FHIT: variants seen among roughly 807,000 people sequenced by gnomAD.
The protein encoded by FHIT is fragile histidine triad diadenosine triphosphatase, also known as bis(5'-adenosyl)-triphosphatase.
FHIT carries 19 observed loss-of-function variants against 17.9 expected under a neutral mutation model. That is an observed-to-expected ratio of 1.06 (90% CI 0.74 to 1.56). The LOEUF (loss-of-function observed/expected upper bound fraction) is 1.56. Ranked by LOEUF, FHIT falls within the 40% of genes most tolerant of loss-of-function variation. The probability of loss-of-function intolerance (pLI) is 0.00; values close to 1 mark genes in which losing one functional copy is unlikely to be tolerated. For missense variants in FHIT, 248 were observed against 189.2 expected, an observed-to-expected ratio of 1.31 and a Z score of -1.82; for synonymous variants, 81 against 69.7, an observed-to-expected ratio of 1.16 and a Z score of -0.81.
At chr3:60,474,390 G>C (rs377760584) in intron 5 of FHIT, among the ~76,000 whole-genome samples, 16 of 152,076 alleles carry the variant, frequency 1.1e-4, no homozygotes, top group Non-Finnish European at 2.1e-4. Flanking sequence ...GCCCCAAAGG[G>C]CTTCTGTCAC....
intron 3 of FHIT, among the ~76,000 whole-genome samples, chr3:60,950,919 C>CT (rs1269178176): frequency 1.3e-5 from 2 of 152,054 alleles, no homozygotes; most frequent in African/African-American, 4.8e-5. Context: ...CTAAACATAA[C>CT]GTCTGGAGGA....
intron 5 of FHIT, among the ~76,000 whole-genome samples, chr3:60,446,248 G>A (rs909740010): frequency 1.3e-5 from 2 of 152,082 alleles, no homozygotes; most frequent in Non-Finnish European, 2.9e-5. Context: ...GTTTCTCTTG[G>A]TCCTCTTTCT....
intron 5 of FHIT, among the ~76,000 whole-genome samples, chr3:60,254,042 T>C (rs1411627607): frequency 1.3e-5 from 2 of 152,090 alleles, no homozygotes; most frequent in African/African-American, 4.8e-5. Flanking sequence ...ACTGTTAAGG[T>C]TTTATCATAT....
intron 5 of FHIT, among the ~76,000 whole-genome samples, chr3:60,084,137 G>A (rs1703402885): frequency 6.6e-6 from 1 of 152,074 alleles, no homozygotes; most frequent in Non-Finnish European, 1.5e-5. Context: ...GTCTCAGAAA[G>A]GATAATACTG....
At position 59,922,698 on chromosome 3, in the gene FHIT, G is replaced by T. The variant is rs532323919; in HGVS notation, c.280-284C>A. 5.3e-5 allele frequency among the ~76,000 whole-genome samples: 8 copies of T among 152,268 alleles called. No individual in the cohort carries two copies. The East Asian group carries it at 9.7e-4, about 18-fold the overall frequency. ...TTCATGGTTGTCAGTCTTGGTTGTAGTTAGCCAGTGCTTTGAAATGACAGT... is the reference window on the plus strand; with the variant it reads ...TTCATGGTTGTCAGTCTTGGTTGTATTTAGCCAGTGCTTTGAAATGACAGT... On this transcript the variant is annotated intron_variant, in intron 7 of 9. Coordinates refer to ENST00000492590, the MANE Select transcript of FHIT (RefSeq NM_002012.4).
intron 5 of FHIT, among the ~76,000 whole-genome samples, chr3:60,421,141 G>T (rs796998532): frequency 1.2e-4 from 18 of 151,628 alleles, no homozygotes; most frequent in African/African-American, 4.4e-4. Flanking sequence ...ATATTGCTCA[G>T]TGGTTTGGGA....
At chr3:61,113,159 A>G (rs1199332845) in intron 2 of FHIT, among the ~76,000 whole-genome samples, 5 of 151,702 alleles carry the variant, frequency 3.3e-5, no homozygotes, top group African/African-American at 1.2e-4. Flanking sequence ...GTGCACCACC[A>G]AGACTGACTA....
At chr3:60,658,930 G>T (rs1320310324) in intron 4 of FHIT, among the ~76,000 whole-genome samples, 9 of 150,770 alleles carry the variant, frequency 6.0e-5, no homozygotes, top group Non-Finnish European at 1.3e-4. Context: ...ATTTCTTACA[G>T]AGCATGTGTA....
intron 4 of FHIT, among the ~76,000 whole-genome samples, chr3:60,580,016 T>C (rs1553659080): frequency 6.6e-6 from 1 of 152,096 alleles, no homozygotes; most frequent in African/African-American, 2.4e-5. Context: ...TTAAGATAAA[T>C]TTCAGAGATA....
chr3:60,595,113 G>T (rs1553665795), intron 4 of FHIT, among the ~76,000 whole-genome samples: 1 of 152,020 alleles, frequency 6.6e-6, no homozygotes, highest in Non-Finnish European at 1.5e-5. Context: ...CAACAGTCTG[G>T]CCTCACCAAG....
intron 3 of FHIT, among the ~76,000 whole-genome samples, chr3:60,955,633 T>TATATATATATATATATATATATACAC (rs1272864632): frequency 1.5e-4 from 6 of 39,524 alleles, no homozygotes; most frequent in South Asian, 8.7e-4. Context: ...TATATATATA[T>TATATATATATATATATATATATACAC]ACACACACAC....
At chr3:60,726,912 G>A (rs2041928580) in intron 4 of FHIT, among the ~76,000 whole-genome samples, 1 of 152,110 alleles carries the variant, frequency 6.6e-6, no homozygotes. Flanking sequence ...ACACATAAGG[G>A]TTAAGCATGG....
Position 61,082,119 on chromosome 3 carries a change from T to C in FHIT, c.-163-40020A>G, listed in dbSNP as rs1052830802. 1.3e-4 allele frequency among the ~76,000 whole-genome samples: 20 copies of C among 151,770 alleles called. No homozygotes were observed. In the East Asian group the frequency reaches 2.9e-3, roughly 22 times the overall value. Reference sequence around the variant, plus strand: ...AGTGCTTATTGAAATGTAACTGATATAGAGAAAAGTGCATAAATCAGAATG... The same window carrying C: ...AGTGCTTATTGAAATGTAACTGATACAGAGAAAAGTGCATAAATCAGAATG... On this transcript the variant is annotated intron_variant, in intron 2 of 9. Coordinates refer to ENST00000492590, the MANE Select transcript of FHIT (RefSeq NM_002012.4).
intron 5 of FHIT, among the ~76,000 whole-genome samples, chr3:60,168,199 G>A (rs1279399638): frequency 1.3e-5 from 2 of 152,186 alleles, no homozygotes; most frequent in Non-Finnish European, 2.9e-5. Context: ...AGAATTGCCT[G>A]TTGGATGAAT....
At chr3:60,327,326 T>C (rs1271312469) in intron 5 of FHIT, among the ~76,000 whole-genome samples, 1 of 152,130 alleles carries the variant, frequency 6.6e-6, no homozygotes, top group Non-Finnish European at 1.5e-5. Context: ...AGTCCAAGGG[T>C]CTGTCACCCT....
At chr3:61,192,188 T>A (rs1212607223) in intron 2 of FHIT, among the ~76,000 whole-genome samples, 3 of 152,220 alleles carry the variant, frequency 2.0e-5, no homozygotes, top group Admixed American at 2.0e-4. Context: ...GACACTTTGG[T>A]AACAATGTTG....
At chr3:59,873,167 A>G (rs1702999078) in intron 8 of FHIT, among the ~76,000 whole-genome samples, 1 of 152,054 alleles carries the variant, frequency 6.6e-6, no homozygotes, top group Non-Finnish European at 1.5e-5. Flanking sequence ...TTGTTTCCTC[A>G]TCTCCAGTAA....
chr3:60,658,046 CTCT>C (rs781970190), intron 4 of FHIT, among the ~76,000 whole-genome samples: 1 of 152,104 alleles, frequency 6.6e-6, no homozygotes, highest in Non-Finnish European at 1.5e-5. Context: ...ATCTCCAGAA[CTCT>C]TCATCTTGCA....
chr3:59,846,452 A>C (rs1012946115), intron 8 of FHIT, among the ~76,000 whole-genome samples: 6 of 152,244 alleles, frequency 3.9e-5, no homozygotes, highest in African/African-American at 1.4e-4. Flanking sequence ...CTTCCTCAAA[A>C]CATCAACTAA....
Sources: allele counts gnomAD v4.1 joint callset (sites outside exome capture counted in the v4.1 genomes callset), GRCh38; gene constraint gnomAD v4.1.1; transcripts MANE v1.5; gene names NCBI Gene and HGNC (gene_info 2026-07-23, HGNC 2026-07-21).